STC2: variants seen among roughly 807,000 people sequenced by gnomAD.
The protein encoded by STC2 is stanniocalcin 2.
In STC2, 7 loss-of-function variants were observed where a neutral mutation model predicts 22.7. The observed-to-expected ratio is 0.31, with a 90% CI of 0.18 to 0.58. The LOEUF is 0.58. STC2 is among the 20% of genes least tolerant of loss of function. The pLI is 0.89. For missense variants in STC2, 336 were observed against 406.2 expected (o/e 0.83, Z 1.48); for synonymous variants, 158 against 163.4 (o/e 0.97, Z 0.25).
At position 173,315,185 on chromosome 5, in the gene STC2, T is replaced by G. The variant is rs1457091763; in HGVS notation, c.*2662A>C. The G allele has an allele frequency of 1.3e-5, 2 of 152,140 alleles. No individual in the cohort carries two copies. Among genetic ancestry groups the G allele is most frequent in the African/African-American group, 4.8e-5 (2 of 41,424 alleles). 9.4% of individuals were successfully genotyped at this position (152,140 alleles called of 1,614,324 possible). On this transcript the variant is annotated 3_prime_UTR_variant, in exon 4 of 4. Coordinates refer to ENST00000265087, the MANE Select transcript of STC2 (RefSeq NM_003714.3). ...CTCAAAGGAAGGCTCATGAGTAAAT[T>G]TGTATGCAGTATAAAGCCCAAGTAG...
rs1262194263 is a variant in STC2 at position 173,317,852 on chromosome 5, T to C, written c.904A>G (p.Arg302Gly). The change falls in exon 4 of 4, where the codon AGG becomes GGG. Residue 302 changes from arginine (R) to glycine (G), a missense_variant. Around this residue, in one of 3 missense-constraint regions of STC2, gnomAD observed 215 missense variants for 231.5 expected, o/e 0.93. Transcript: ENST00000265087. ...DEQSEYSDIR[R>G] Reference sequence around the variant, plus strand: ...TCGTGGCCAGGCCTTTCATTTCACCTCCGGATATCAGAATACTCAGACTGT... The same window carrying C: ...TCGTGGCCAGGCCTTTCATTTCACCCCCGGATATCAGAATACTCAGACTGT... The C allele has an allele frequency of 6.4e-7, 1 of 1,557,184 alleles. No individual in the cohort carries two copies. The highest frequency in any genetic ancestry group is 8.7e-7 in the Non-Finnish European group (1 of 1,146,808).
At position 173,328,274 on chromosome 5, in the gene STC2, C is replaced by G; in HGVS notation, c.-81G>C. On this transcript the variant is annotated 5_prime_UTR_variant, in exon 1 of 4. Coordinates refer to ENST00000265087, the MANE Select transcript of STC2 (RefSeq NM_003714.3). ...CCTCCTCCTCCTCTTCCTCCTTCGC[C>G]GCTTCCCCTCCTCCTCCCACTCTTC... 7.5e-7 allele frequency: 1 copy of G among 1,336,044 alleles called. No individual in the cohort carries two copies. Among genetic ancestry groups the G allele is most frequent in the Non-Finnish European group, 9.7e-7 (1 of 1,026,526 alleles). The allele number at this position is 1,336,044 out of a possible 1,614,324, so 82.8% of individuals were successfully genotyped here.
In STC2 at chr5:173,317,915, C is replaced by T; in HGVS notation, c.841G>A (p.Ala281Thr). The T allele has an allele frequency of 6.2e-7, 1 of 1,612,388 alleles. No homozygotes were observed. The highest frequency in any genetic ancestry group is 1.1e-5 in the South Asian group (1 of 90,950). ...HARGRVGGLG[A>T]QGPSGSSEWE... Reference sequence around the variant, plus strand: ...TCGCTGCTTCCGGAAGGTCCCTGAGCCCCAAGGCCCCCGACTCTGCCTCGG... The same window carrying T: ...TCGCTGCTTCCGGAAGGTCCCTGAGTCCCAAGGCCCCCGACTCTGCCTCGG... The change falls in exon 4 of 4, where the codon GCT becomes ACT. Residue 281 changes from alanine to threonine, a missense_variant. Coordinates refer to ENST00000265087, the MANE Select transcript of STC2 (RefSeq NM_003714.3).
Position 173,314,804 on chromosome 5 carries a change from T to G in STC2, c.*3043A>C, listed in dbSNP as rs1056917122. The G allele has an allele frequency of 6.6e-6, 1 of 152,216 alleles. No individual in the cohort carries two copies. Among genetic ancestry groups the G allele is most frequent in the Admixed American group, 6.5e-5 (1 of 15,274 alleles). The allele number at this position is 152,216 out of a possible 1,614,324, so 9.4% of individuals were successfully genotyped here. A position where few individuals can be genotyped will look rare whatever the true frequency, so the allele number is the denominator to read the frequency against. On this transcript the variant is annotated 3_prime_UTR_variant, in exon 4 of 4. Coordinates refer to ENST00000265087, the MANE Select transcript of STC2 (RefSeq NM_003714.3). This position sits in a 1 kb window ranked among gnomAD's most constrained non-coding sequence, Gnocchi z 4.6. ...GTACAGGTCCTGTTGCCTAAATCCG[T>G]AGTAGAAACAGATATTATCACTTAG...
In STC2 at chr5:173,318,026, G is replaced by A. The variant is rs1420735451; in HGVS notation, c.730C>T (p.His244Tyr). The stretch of plus-strand genomic sequence containing the variant: ...CTACTGCTGGGCTCTGGGAGGTGAT[G>A]TCCTGCTTCCCCGTGGTGGGCCCTG... ...LSRAHHGEAG[H>Y]HLPEPSSRET... The change falls in exon 4 of 4, where the codon CAT becomes TAT. Residue 244 changes from histidine to tyrosine, a missense_variant. Around this residue, in one of 3 missense-constraint regions of STC2, gnomAD observed 215 missense variants for 231.5 expected, o/e 0.93. Transcript: ENST00000265087. The A allele has an allele frequency of 1.2e-6, 2 of 1,612,408 alleles. No individual in the cohort carries two copies. Among genetic ancestry groups the A allele is most frequent in the Non-Finnish European group, 1.7e-6 (2 of 1,179,502 alleles).
intron 3 of STC2, among the ~76,000 whole-genome samples, chr5:173,321,109 G>T (rs1426747348): frequency 2.0e-5 from 3 of 152,136 alleles, no homozygotes; most frequent in African/African-American, 7.2e-5. Context: ...TCCAGAGCAG[G>T]CTGGGGTGGG....
intron 3 of STC2, chr5:173,322,949 T>C (rs1762503862): frequency 2.0e-6 from 1 of 501,712 alleles, no homozygotes; most frequent in African/African-American, 1.9e-5. Context: ...TGAAGAGTAT[T>C]ACTGAATCGA....
At position 173,315,229 on chromosome 5, in the gene STC2, CT is replaced by C. The variant is rs1414318978; in HGVS notation, c.*2617del. 2.0e-5 allele frequency: 3 copies of C among 152,286 alleles called. No homozygotes were observed. The highest frequency in any genetic ancestry group is 7.2e-5 in the African/African-American group (3 of 41,572). 9.4% of individuals were successfully genotyped at this position (152,286 alleles called of 1,614,324 possible). A position where few individuals can be genotyped will look rare whatever the true frequency, so the allele number is the denominator to read the frequency against. On this transcript the variant is annotated 3_prime_UTR_variant, in exon 4 of 4. Transcript: ENST00000265087. Reference sequence around the variant, plus strand: ...CAAGTAGAGGGTGTATTTTTAATGACTACTTTGCTTACATTTTAGATTGTGC... The same window carrying C: ...CAAGTAGAGGGTGTATTTTTAATGACACTTTGCTTACATTTTAGATTGTGC...
chr5:173,324,427 G>C (rs961289315), intron 2 of STC2: 3 of 152,274 alleles, frequency 2.0e-5, no homozygotes, highest in African/African-American at 7.2e-5. Flanking sequence ...AGTTGAGAAA[G>C]TAAATGGGTT....
Position 173,315,992 on chromosome 5 carries a change from G to A in STC2, c.*1855C>T, listed in dbSNP as rs892555291. Reference sequence around the variant, plus strand: ...TTTGGGGCATAGAAATACTAGCTGTGTTTTGGTTGAAGGCATTCCCCAGGA... The same window carrying A: ...TTTGGGGCATAGAAATACTAGCTGTATTTTGGTTGAAGGCATTCCCCAGGA... On this transcript the variant is annotated 3_prime_UTR_variant, in exon 4 of 4. Transcript: ENST00000265087. 1.3e-5 allele frequency: 2 copies of A among 152,274 alleles called. No individual in the cohort carries two copies. The highest frequency in any genetic ancestry group is 4.8e-5 in the African/African-American group (2 of 41,462). The allele number at this position is 152,274 out of a possible 1,614,324, so 9.4% of individuals were successfully genotyped here. A position where few individuals can be genotyped will look rare whatever the true frequency, so the allele number is the denominator to read the frequency against.
Position 173,328,363 on chromosome 5 carries a change from T to C in STC2, c.-170A>G. 1 of 594,560 alleles carries C rather than the reference T, an allele frequency of 1.7e-6. No individual in the cohort carries two copies. Among genetic ancestry groups the C allele is most frequent in the Admixed American group, 4.1e-5 (1 of 24,128 alleles). The allele number at this position is 594,560 out of a possible 1,614,324, so 36.8% of individuals were successfully genotyped here. On this transcript the variant is annotated 5_prime_UTR_variant, in exon 1 of 4. Coordinates refer to ENST00000265087, the MANE Select transcript of STC2 (RefSeq NM_003714.3). ...CTCGGATAGAGGTTACCCAGCGCCCTCCCGTAGCTCTCCGGAGAGCATGTG... is the reference window on the plus strand; with the variant it reads ...CTCGGATAGAGGTTACCCAGCGCCCCCCCGTAGCTCTCCGGAGAGCATGTG...
At chr5:173,319,840 C>T (rs2113131847) in intron 3 of STC2, among the ~76,000 whole-genome samples, 1 of 152,296 alleles carries the variant, frequency 6.6e-6, no homozygotes, top group South Asian at 2.1e-4. Context: ...ACTTTGGAGT[C>T]AGCAAGTCTG....
Position 173,316,047 on chromosome 5 carries a change from T to C in STC2, c.*1800A>G, listed in dbSNP as rs1762416943. Reference sequence around the variant, plus strand: ...GTCATTTTAGAGCAGATACGCTTGGTTTCTTGGTGTCTGGCCTCAGGTTGC... The same window carrying C: ...GTCATTTTAGAGCAGATACGCTTGGCTTCTTGGTGTCTGGCCTCAGGTTGC... On this transcript the variant is annotated 3_prime_UTR_variant, in exon 4 of 4. Coordinates refer to ENST00000265087, the MANE Select transcript of STC2 (RefSeq NM_003714.3). 2 of 152,256 alleles carry C rather than the reference T, an allele frequency of 1.3e-5. No homozygotes were observed. Among genetic ancestry groups the C allele is most frequent in the South Asian group, 4.2e-4 (2 of 4,814 alleles). The allele number at this position is 152,256 out of a possible 1,614,324, so 9.4% of individuals were successfully genotyped here.
At position 173,318,014 on chromosome 5, in the gene STC2, C is replaced by G. The variant is rs1244693225; in HGVS notation, c.742G>C (p.Glu248Gln). Residue 248 changes from glutamate (E) to glutamine (Q), a missense_variant, in exon 4 of 4, where the codon GAG becomes CAG. Coordinates refer to ENST00000265087, the MANE Select transcript of STC2 (RefSeq NM_003714.3). ...HHGEAGHHLPEPSSRETGRGA... is the reference protein window; with the variant it reads ...HHGEAGHHLPQPSSRETGRGA... ...CGGCCAGTCTCCCTACTGCTGGGCT[C>G]TGGGAGGTGATGTCCTGCTTCCCCG... is the stretch of plus-strand genomic sequence containing the variant. The G allele has an allele frequency of 6.2e-7, 1 of 1,612,972 alleles. No individual in the cohort carries two copies. The highest frequency in any genetic ancestry group is 1.1e-5 in the South Asian group (1 of 91,038).
intron 3 of STC2, chr5:173,322,967 C>A (rs1762503978): frequency 5.5e-6 from 3 of 544,406 alleles, no homozygotes; most frequent in Non-Finnish European, 1.0e-5. Flanking sequence ...CGACACATTT[C>A]ATTCTTAGTA....
At chr5:173,326,690 T>C (rs1276120531) in intron 1 of STC2, 1 of 152,076 alleles carries the variant, frequency 6.6e-6, no homozygotes, top group African/African-American at 2.4e-5. Flanking sequence ...TCCTTTTAAT[T>C]AGGGATCCGG....
At chr5:173,320,565 G>A (rs1762472057) in intron 3 of STC2, among the ~76,000 whole-genome samples, 1 of 152,114 alleles carries the variant, frequency 6.6e-6, no homozygotes, top group South Asian at 2.1e-4. Flanking sequence ...AGCACCCAGT[G>A]ACATGGCGAG....
chr5:173,327,955 G>T, intron 1 of STC2, 88 bp downstream of exon 1: 1 of 1,379,150 alleles, frequency 7.3e-7, no homozygotes, highest in Non-Finnish European at 9.4e-7. Context: ...GTGGGCGCCT[G>T]GCTCCCGGCG....
chr5:173,327,954 T>G, intron 1 of STC2, 89 bp downstream of exon 1: 1 of 1,380,332 alleles, frequency 7.2e-7, no homozygotes, highest in Non-Finnish European at 9.4e-7. Flanking sequence ...GGTGGGCGCC[T>G]GGCTCCCGGC....
Sources: gnomAD v4.1 joint callset for allele counts (sites outside exome capture counted in the v4.1 genomes callset) on GRCh38, gnomAD v4.1.1 for gene constraint, gnomAD v4.1.1 regional missense constraint, Gnocchi (gnomAD v3.1) non-coding constraint, MANE v1.5 for transcripts, NCBI Gene and HGNC (gene_info 2026-07-23, HGNC 2026-07-21) for gene names.